The following SPON1 variants were observed in gnomAD, a reference collection of about 807,000 sequenced individuals.
SPON1 encodes spondin-1.
A neutral mutation model predicts 111.7 loss-of-function variants in SPON1; 52 were observed. The ratio of observed to expected loss-of-function variants is 0.47; its 90% CI spans 0.37 to 0.59. The LOEUF is 0.59. Ranked by LOEUF, SPON1 falls within the 20% of genes least tolerant of loss-of-function variation. The pLI, the probability that SPON1 is intolerant of heterozygous loss-of-function variation, is 0.00. For synonymous variants in SPON1, 410 were observed against 395.8 expected (o/e 1.04, Z -0.43); for missense variants, 957 against 1,068.5 (o/e 0.90, Z 1.46).
chr11:14,189,243 T>G (rs1554934335), intron 6 of SPON1, among the ~76,000 whole-genome samples: 2 of 152,200 alleles, frequency 1.3e-5, no homozygotes, highest in Non-Finnish European at 2.9e-5. Flanking sequence ...ATGCTTTAAA[T>G]CAGTATAAAA....
intron 15 of SPON1, among the ~76,000 whole-genome samples, chr11:14,264,732 T>C: frequency 6.6e-6 from 1 of 152,172 alleles, no homozygotes. Flanking sequence ...TAACCATAAA[T>C]GTGGTGGGTT....
chr11:13,975,030 C>G (rs578076058), intron 1 of SPON1, among the ~76,000 whole-genome samples: 16 of 152,348 alleles, frequency 1.1e-4, no homozygotes, highest in Non-Finnish European at 2.1e-4. Context: ...ACTTACAACA[C>G]AGATACTACC....
intron 5 of SPON1, among the ~76,000 whole-genome samples, chr11:14,080,575 G>A (rs1290881017): frequency 6.6e-6 from 1 of 152,040 alleles, no homozygotes; most frequent in Non-Finnish European, 1.5e-5. Context: ...TATTCCCAAA[G>A]TCATGCTGCT....
At chr11:14,255,585 T>C (rs1591428858) in intron 8 of SPON1, 62 bp from the exon 9 acceptor site, 4 of 1,536,092 alleles carry the variant, frequency 2.6e-6, no homozygotes, top group Non-Finnish European at 3.6e-6. Context: ...ATATAACAAA[T>C]GGCTTTTGTG....
intron 6 of SPON1, among the ~76,000 whole-genome samples, chr11:14,145,975 G>T (rs535655767): frequency 2.6e-5 from 4 of 152,146 alleles, no homozygotes; most frequent in African/African-American, 7.2e-5. Context: ...AGAGTGAAAT[G>T]ATTATATTCA....
At chr11:13,989,127 C>T (rs1554910799) in intron 2 of SPON1, among the ~76,000 whole-genome samples, 1 of 152,124 alleles carries the variant, frequency 6.6e-6, no homozygotes, top group African/African-American at 2.4e-5. Flanking sequence ...GGAATGGTAC[C>T]AGCTCCTCTT....
At chr11:14,157,953 A>G (rs768325728) in intron 6 of SPON1, among the ~76,000 whole-genome samples, 2 of 152,108 alleles carry the variant, frequency 1.3e-5, no homozygotes, top group Non-Finnish European at 2.9e-5. Context: ...CAAGTCTGGT[A>G]ACTATAATAT....
intron 13 of SPON1, 70 bp from the exon 14 acceptor site, chr11:14,260,518 T>A: frequency 6.5e-7 from 1 of 1,529,866 alleles, no homozygotes; most frequent in African/African-American, 1.4e-5. Flanking sequence ...TGTGGAACAC[T>A]GTGGGGTCAG....
intron 1 of SPON1, among the ~76,000 whole-genome samples, chr11:13,964,328 G>A (rs1847999094): frequency 6.6e-6 from 1 of 152,182 alleles, no homozygotes; most frequent in African/African-American, 2.4e-5. Context: ...GCACCTGGTG[G>A]GGCAAATGGG....
chr11:14,184,146 C>T (rs1444435951), intron 6 of SPON1, among the ~76,000 whole-genome samples: 1 of 152,122 alleles, frequency 6.6e-6, no homozygotes, highest in Admixed American at 6.6e-5. Context: ...GGAAGCCTTC[C>T]AACTATGTAA....
At chr11:14,024,004 A>AG (rs1233926528) in intron 2 of SPON1, among the ~76,000 whole-genome samples, 1 of 7,928 alleles carries the variant, frequency 1.3e-4, no homozygotes, top group Non-Finnish European at 3.1e-4. Flanking sequence ...TCCATCTCAA[A>AG]GAAAAAAAAA....
At chr11:14,170,732 T>C (rs1158548197) in intron 6 of SPON1, among the ~76,000 whole-genome samples, 1 of 152,206 alleles carries the variant, frequency 6.6e-6, no homozygotes, top group African/African-American at 2.4e-5. Flanking sequence ...AAAGGCCTTT[T>C]CTGCATCTAT....
intron 2 of SPON1, among the ~76,000 whole-genome samples, chr11:13,995,458 T>A (rs1266880179): frequency 4.6e-5 from 7 of 152,054 alleles, no homozygotes; most frequent in African/African-American, 1.7e-4. Context: ...ACCTTCTTCA[T>A]AAGGTGGCTG....
Position 14,057,831 on chromosome 11 carries a change from C to CAAAAAAAAA in SPON1, c.479+16181_479+16189dup, listed in dbSNP as rs782306609. Among the ~76,000 whole-genome samples, 221 of 100,524 alleles carry CAAAAAAAAA rather than the reference C, an allele frequency of 2.2e-3. 6 individuals carry two copies. In the East Asian group the frequency reaches 0.025, roughly 12 times the overall value. The allele number at this position is 100,524 out of a possible 152,430, so 65.9% of individuals were successfully genotyped here. On this transcript the variant is annotated intron_variant, in intron 3 of 15. Transcript: ENST00000576479. ...AAAACGTAGTGAGACCTTGTCTCTACAAAAAAAAAAAACAAAACAAAAACT... is the reference window on the plus strand; with the variant it reads ...AAAACGTAGTGAGACCTTGTCTCTACAAAAAAAAAAAAAAAAAAAAACAAAACAAAAACT...
intron 6 of SPON1, among the ~76,000 whole-genome samples, chr11:14,185,034 T>C (rs1208863921): frequency 6.6e-6 from 1 of 152,214 alleles, no homozygotes; most frequent in Admixed American, 6.5e-5. Flanking sequence ...AGCTCTCCTG[T>C]GTAAGAAAGG....
At chr11:14,143,558 T>C (rs1284149718) in intron 6 of SPON1, among the ~76,000 whole-genome samples, 1 of 126,946 alleles carries the variant, frequency 7.9e-6, no homozygotes, top group Non-Finnish European at 1.8e-5. Context: ...CAGACCCTGT[T>C]TCCAAAAAAA....
intron 6 of SPON1, among the ~76,000 whole-genome samples, chr11:14,172,522 T>G (rs1189305698): frequency 3.3e-5 from 5 of 151,994 alleles, no homozygotes; most frequent in Non-Finnish European, 5.9e-5. Context: ...TGTGTGAATT[T>G]GATCCTGTCA....
chr11:14,230,457 C>T (rs1379860469), intron 6 of SPON1, among the ~76,000 whole-genome samples: 1 of 152,198 alleles, frequency 6.6e-6, no homozygotes, highest in Non-Finnish European at 1.5e-5. Context: ...ACTGCCGTTA[C>T]TTTAAAGATA....
intron 4 of SPON1, 61 bp downstream of exon 4, chr11:14,075,479 C>A (rs937957639): frequency 8.1e-7 from 1 of 1,227,012 alleles, no homozygotes; most frequent in Non-Finnish European, 1.2e-6. Flanking sequence ...TCCTCCTGCA[C>A]GATCCTCCTG....
Sources: allele counts gnomAD v4.1 joint callset (sites outside exome capture counted in the v4.1 genomes callset), GRCh38; gene constraint gnomAD v4.1.1; transcripts MANE v1.5; gene names NCBI Gene and HGNC (gene_info 2026-07-23, HGNC 2026-07-21).